Variants in ARMC7 observed in about 807,000 individuals in gnomAD.
ARMC7 encodes the protein armadillo repeat-containing protein 7.
ARMC7 carries 9 observed loss-of-function variants against 14.8 expected under a neutral mutation model. That is an observed-to-expected ratio of 0.61 (90% CI 0.37 to 1.06). The LOEUF (loss-of-function observed/expected upper bound fraction) is 1.06, where lower values mean the gene tolerates loss of function less well. Ranked by LOEUF, ARMC7 falls within the 50% of genes least tolerant of loss-of-function variation. The pLI, the probability that ARMC7 is intolerant of heterozygous loss-of-function variation, is 0.01. For missense variants in ARMC7, 262 were observed against 267.1 expected, an observed-to-expected ratio of 0.98 and a Z score of 0.13; for synonymous variants, 125 against 123.4, an observed-to-expected ratio of 1.01 and a Z score of -0.09.
chr17:75,123,378 G>A (rs1233829790), intron 2 of ARMC7, among the ~76,000 whole-genome samples: 2 of 137,768 alleles, frequency 1.5e-5, no homozygotes, highest in Non-Finnish European at 3.1e-5. Context: ...TTTTGAGACC[G>A]AGTTTCGCTC....
intron 2 of ARMC7, among the ~76,000 whole-genome samples, chr17:75,111,866 T>C (rs1159059581): frequency 6.6e-6 from 1 of 151,558 alleles, no homozygotes; most frequent in African/African-American, 2.4e-5. Flanking sequence ...TGGGTAGATA[T>C]TTATTGCGCG....
intron 2 of ARMC7, among the ~76,000 whole-genome samples, chr17:75,111,635 G>A (rs967763094): frequency 1.3e-5 from 2 of 151,894 alleles, no homozygotes; most frequent in Non-Finnish European, 1.5e-5. Context: ...CTACTCAGGA[G>A]GCTGAGGTGG....
chr17:75,118,862 G>A (rs980653689), intron 2 of ARMC7, among the ~76,000 whole-genome samples: 8 of 152,198 alleles, frequency 5.3e-5, no homozygotes, highest in East Asian at 3.9e-4. Context: ...TGTACATATC[G>A]GGAACCCCCA....
At chr17:75,117,152 C>T (rs2073978934) in intron 2 of ARMC7, among the ~76,000 whole-genome samples, 1 of 152,240 alleles carries the variant, frequency 6.6e-6, no homozygotes, top group South Asian at 2.1e-4. Context: ...TCTCGTCTCA[C>T]TGCAACCTCC....
At position 75,129,203 on chromosome 17, in the gene ARMC7, G is replaced by C; in HGVS notation, c.*165G>C. On this transcript the variant is annotated 3_prime_UTR_variant, in exon 3 of 3. Coordinates refer to ENST00000245543, the MANE Select transcript of ARMC7 (RefSeq NM_024585.4). ...CATTTACACTGATGAAACGCCACTG[G>C]GAGTGAGGAAGCCAGACTCCAGAGA... 1 of 998,632 alleles carries C rather than the reference G, an allele frequency of 1.0e-6. No individual in the cohort carries two copies. Among genetic ancestry groups the C allele is most frequent in the Non-Finnish European group, 1.4e-6 (1 of 704,916 alleles). The allele number at this position is 998,632 out of a possible 1,614,324, so 61.9% of individuals were successfully genotyped here.
chr17:75,117,265 C>T (rs1405534745), intron 2 of ARMC7, among the ~76,000 whole-genome samples: 11 of 152,122 alleles, frequency 7.2e-5, no homozygotes, highest in South Asian at 4.1e-4. Flanking sequence ...TTAGTAGAGA[C>T]GGGGTTTCGA....
At chr17:75,124,333 T>C (rs2074035465) in intron 2 of ARMC7, among the ~76,000 whole-genome samples, 1 of 152,146 alleles carries the variant, frequency 6.6e-6, no homozygotes. Flanking sequence ...CCTAGGCCTC[T>C]GTGTGGGGAG....
chr17:75,124,334 G>A (rs1170545589), intron 2 of ARMC7, among the ~76,000 whole-genome samples: 4 of 152,184 alleles, frequency 2.6e-5, no homozygotes, highest in Non-Finnish European at 4.4e-5. Context: ...CTAGGCCTCT[G>A]TGTGGGGAGG....
chr17:75,125,553 C>A (rs571205546), intron 2 of ARMC7, among the ~76,000 whole-genome samples: 1 of 151,998 alleles, frequency 6.6e-6, no homozygotes, highest in Non-Finnish European at 1.5e-5. Context: ...ATAATGTTCC[C>A]CCAGCTGGGC....
intron 2 of ARMC7, among the ~76,000 whole-genome samples, chr17:75,115,889 G>T (rs1218325581): frequency 6.6e-6 from 1 of 152,160 alleles, no homozygotes; most frequent in Admixed American, 6.6e-5. Context: ...CTCTTTTAGG[G>T]TTAGTGTCTG....
At chr17:75,119,062 C>A (rs1278495319) in intron 2 of ARMC7, among the ~76,000 whole-genome samples, 1 of 152,206 alleles carries the variant, frequency 6.6e-6, no homozygotes, top group Non-Finnish European at 1.5e-5. Flanking sequence ...CCCCAGCCTC[C>A]CAAAGTGCTA....
intron 2 of ARMC7, among the ~76,000 whole-genome samples, chr17:75,118,791 A>G (rs2073991130): frequency 6.6e-6 from 1 of 152,184 alleles, no homozygotes; most frequent in Non-Finnish European, 1.5e-5. Context: ...CACCTGAACC[A>G]GCCTGTCCAC....
rs377200687 is a variant in ARMC7 at position 75,128,822 on chromosome 17, G to A, written c.381G>A (p.Pro127=). The A allele has an allele frequency of 2.0e-5, 33 of 1,613,154 alleles. No individual in the cohort carries two copies. The highest frequency in any genetic ancestry group is 1.5e-4 in the African/African-American group (11 of 75,028). The change falls in exon 3 of 3, where the codon CCG becomes CCA. Residue 127 remains proline (P), a synonymous_variant. Transcript: ENST00000245543. ...SAITTLMHLS[P]PGRSFLPELT... is the part of the protein sequence containing the mutation. ...TCACCACGCTCATGCACCTGAGCCCGCCGGGCCGCAGCTTTCTCCCAGAGC... is the reference window on the plus strand; with the variant it reads ...TCACCACGCTCATGCACCTGAGCCCACCGGGCCGCAGCTTTCTCCCAGAGC...
Position 75,129,399 on chromosome 17 carries a change from G to A in ARMC7, c.*361G>A. ...GCTGGGCCTGAGGCTTAGGAGAGCTGCCTTCGCTGCAGGAAATCAGGGATT... is the reference window on the plus strand; with the variant it reads ...GCTGGGCCTGAGGCTTAGGAGAGCTACCTTCGCTGCAGGAAATCAGGGATT... On this transcript the variant is annotated 3_prime_UTR_variant, in exon 3 of 3. Coordinates refer to ENST00000245543, the MANE Select transcript of ARMC7 (RefSeq NM_024585.4). 1 of 293,872 alleles carries A rather than the reference G, an allele frequency of 3.4e-6. No individual in the cohort carries two copies. The highest frequency in any genetic ancestry group is 6.3e-6 in the Non-Finnish European group (1 of 157,660). The allele number at this position is 293,872 out of a possible 1,614,324, so 18.2% of individuals were successfully genotyped here. A position where few individuals can be genotyped will look rare whatever the true frequency, so the allele number is the denominator to read the frequency against.
chr17:75,128,902 C>G lies in ARMC7; in HGVS notation c.461C>G (p.Ala154Gly). 6.2e-7 allele frequency: 1 copy of G among 1,610,528 alleles called. No individual in the cohort carries two copies. The highest frequency in any genetic ancestry group is 8.5e-7 in the Non-Finnish European group (1 of 1,179,848). ...CTTCGCTTCTCCCTCTCGGCCAGCG[C>G]CAGGCTCCGGAACCTGGCACAGATC... Reference protein sequence around the residue: ...CMLRFSLSASARLRNLAQIFL... With the variant: ...CMLRFSLSASGRLRNLAQIFL... The change falls in exon 3 of 3, where the codon GCC becomes GGC. Residue 154 changes from alanine (A) to glycine (G), a missense_variant. By Grantham distance (60) the Ala-to-Gly change is moderately conservative. Transcript: ENST00000245543.
chr17:75,110,734 G>C, intron 2 of ARMC7, 128 bp downstream of exon 2: 3 of 1,288,256 alleles, frequency 2.3e-6, no homozygotes, highest in Non-Finnish European at 3.2e-6. Flanking sequence ...AAGCTAAGGC[G>C]GGCGGATCAC....
Position 75,124,879 on chromosome 17 carries a change from C to T in ARMC7, c.236-3798C>T, listed in dbSNP as rs141209753. On this transcript the variant is annotated intron_variant, in intron 2 of 2. Transcript: ENST00000245543. ...GTCCAGTGCGTGCTCAGTGAAGTGTCCACGGTTCTAGGAACTTGAGCCCTG... is the reference window on the plus strand; with the variant it reads ...GTCCAGTGCGTGCTCAGTGAAGTGTTCACGGTTCTAGGAACTTGAGCCCTG... Among the ~76,000 whole-genome samples the T allele has an allele frequency of 7.9e-4, 120 of 152,352 alleles. 1 individual carries two copies. Among genetic ancestry groups the T allele is most frequent in the Non-Finnish European group, 1.6e-3 (107 of 68,026 alleles).
intron 2 of ARMC7, among the ~76,000 whole-genome samples, chr17:75,121,452 G>A (rs906683771): frequency 2.0e-5 from 3 of 152,038 alleles, no homozygotes; most frequent in African/African-American, 4.8e-5. Flanking sequence ...TCGCTCTGTC[G>A]CCTACGCTGG....
At chr17:75,115,456 T>G (rs552205534) in intron 2 of ARMC7, among the ~76,000 whole-genome samples, 3 of 152,122 alleles carry the variant, frequency 2.0e-5, no homozygotes, top group Non-Finnish European at 2.9e-5. Flanking sequence ...GAAGAGTTGC[T>G]TGAACCAGGA....
Sources: gnomAD v4.1 joint callset for allele counts (sites outside exome capture counted in the v4.1 genomes callset) on GRCh38, gnomAD v4.1.1 for gene constraint, MANE v1.5 for transcripts, NCBI Gene and HGNC (gene_info 2026-07-23, HGNC 2026-07-21) for gene names.